The following PARP8 variants were observed in gnomAD, a reference collection of about 807,000 sequenced individuals.
The protein encoded by PARP8 is protein mono-ADP-ribosyltransferase PARP8.
A neutral mutation model predicts 124.1 loss-of-function variants in PARP8; 51 were observed. That is an observed-to-expected ratio of 0.41 (90% CI 0.33 to 0.52). The LOEUF is 0.52. PARP8 is among the 20% of genes least tolerant of loss of function. The pLI, the probability that PARP8 is intolerant of heterozygous loss-of-function variation, is 0.21. For synonymous variants in PARP8, 391 were observed against 361.5 expected (o/e 1.08, Z -0.93); for missense variants, 860 against 1,018.9 (o/e 0.84, Z 2.12).
intron 2 of PARP8, 49 bp from the exon 3 acceptor site, chr5:50,750,102 G>C (rs1759063476): frequency 1.4e-6 from 2 of 1,398,108 alleles, no homozygotes; most frequent in Admixed American, 1.8e-5. Flanking sequence ...ATAAAAGCCT[G>C]TCTACCTTAG....
chr5:50,749,659 T>G (rs1376371852), intron 2 of PARP8, among the ~76,000 whole-genome samples: 3 of 152,120 alleles, frequency 2.0e-5, no homozygotes, highest in African/African-American at 7.2e-5. Context: ...ATAATATTAC[T>G]TATACTTCCA....
At chr5:50,787,898 A>G (rs1434660153) in intron 9 of PARP8, among the ~76,000 whole-genome samples, 2 of 150,268 alleles carry the variant, frequency 1.3e-5, no homozygotes, top group East Asian at 3.9e-4. Flanking sequence ...TATATATGTT[A>G]GTATATATGT....
chr5:50,708,139 C>T (rs1274899156), intron 2 of PARP8, among the ~76,000 whole-genome samples: 1 of 151,992 alleles, frequency 6.6e-6, no homozygotes, highest in Non-Finnish European at 1.5e-5. Context: ...AATTTAAGAA[C>T]ATTAGTCATG....
intron 2 of PARP8, among the ~76,000 whole-genome samples, chr5:50,729,856 G>C (rs2463796): frequency 0.51 from 77,777 of 151,998 alleles, 22,600 homozygotes; most frequent in East Asian, 0.64. Flanking sequence ...TATACATTAG[G>C]ACTATTAAGC....
At chr5:50,787,738 A>G (rs1741424816) in intron 9 of PARP8, among the ~76,000 whole-genome samples, 1 of 151,906 alleles carries the variant, frequency 6.6e-6, no homozygotes, top group South Asian at 2.1e-4. Context: ...GAGAGAAGTT[A>G]TTAATTTAAT....
chr5:50,709,940 A>G (rs1754574459), intron 2 of PARP8, among the ~76,000 whole-genome samples: 1 of 94,350 alleles, frequency 1.1e-5, no homozygotes, highest in African/African-American at 3.0e-5. Flanking sequence ...ATATATATAT[A>G]TATATATATA....
At chr5:50,723,629 A>C (rs1756129729) in intron 2 of PARP8, among the ~76,000 whole-genome samples, 2 of 152,030 alleles carry the variant, frequency 1.3e-5, no homozygotes, top group African/African-American at 4.8e-5. Flanking sequence ...ACCTCTTTTT[A>C]CAATTAGAGG....
At chr5:50,773,429 G>C (rs1761827546) in intron 7 of PARP8, among the ~76,000 whole-genome samples, 1 of 152,184 alleles carries the variant, frequency 6.6e-6, no homozygotes. Flanking sequence ...TGAAGAGACT[G>C]CTCTTTCCTC....
rs745582110 is a variant in PARP8, at chr5:50,844,293, G to C, written c.*2225G>C. On this transcript the variant is annotated 3_prime_UTR_variant, in exon 26 of 26. Transcript: ENST00000281631. ...ATCATGATACAGAATGACAGATTTT[G>C]TTTCAAACAATTGCGTCAGAACCTT... 1 of 151,686 alleles carries C rather than the reference G, an allele frequency of 6.6e-6. No homozygotes were observed. Among genetic ancestry groups the C allele is most frequent in the Non-Finnish European group, 1.5e-5 (1 of 67,794 alleles). 9.4% of individuals were successfully genotyped at this position (151,686 alleles called of 1,614,324 possible).
At chr5:50,710,901 T>C (rs1395994212) in intron 2 of PARP8, among the ~76,000 whole-genome samples, 1 of 152,186 alleles carries the variant, frequency 6.6e-6, no homozygotes, top group Non-Finnish European at 1.5e-5. Flanking sequence ...TGTTTCTATC[T>C]GTAGCTTTAT....
At chr5:50,757,015 A>T (rs1760037529) in intron 3 of PARP8, 1 of 317,098 alleles carries the variant, frequency 3.2e-6, no homozygotes, top group Non-Finnish European at 6.5e-6. Context: ...ATTCTTTTTC[A>T]GTTGCTGAAT....
intron 18 of PARP8, among the ~76,000 whole-genome samples, chr5:50,825,543 A>T (rs934288426): frequency 3.3e-5 from 5 of 152,296 alleles, no homozygotes; most frequent in African/African-American, 1.2e-4. Context: ...TGAAGAGGAG[A>T]GAAGTCACCT....
chr5:50,789,671 C>T (rs1346971787), intron 10 of PARP8, among the ~76,000 whole-genome samples: 1 of 152,184 alleles, frequency 6.6e-6, no homozygotes, highest in Non-Finnish European at 1.5e-5. Flanking sequence ...ACATTAACTT[C>T]TATACTTAAT....
rs567389093 is a variant in PARP8 at position 50,791,914 on chromosome 5, G to T, written c.738-2293G>T. Among the ~76,000 whole-genome samples, 4 of 152,150 alleles carry T rather than the reference G, an allele frequency of 2.6e-5. No homozygotes were observed. In the East Asian group the frequency reaches 7.7e-4, roughly 29 times the overall value. ...AAATTCAAATTAATACCATTAACTT[G>T]GTTTATGATATTATTTTGCTAAAGC... On this transcript the variant is annotated intron_variant, in intron 10 of 25. Transcript: ENST00000281631.
At chr5:50,815,886 A>G (rs1359550374) in intron 15 of PARP8, among the ~76,000 whole-genome samples, 3 of 152,164 alleles carry the variant, frequency 2.0e-5, no homozygotes, top group Non-Finnish European at 4.4e-5. Flanking sequence ...TTTAAAACTT[A>G]GGTGAAAAGA....
In PARP8 at chr5:50,677,855, T is replaced by C. The variant is rs1395482679; in HGVS notation, c.146+9730T>C. On this transcript the variant is annotated intron_variant, in intron 2 of 25. Coordinates refer to ENST00000281631, the MANE Select transcript of PARP8 (RefSeq NM_024615.4). ...CTCTGGGTTGCATTTAGGGATATGC[T>C]ACATTTCAAAGGTATCTTTCTGAAG... 2.6e-5 allele frequency among the ~76,000 whole-genome samples: 4 copies of C among 151,984 alleles called. 1 individual carries two copies. Among genetic ancestry groups the C allele is most frequent in the African/African-American group, 9.7e-5 (4 of 41,398 alleles).
intron 2 of PARP8, among the ~76,000 whole-genome samples, chr5:50,717,341 G>C (rs1190361632): frequency 6.6e-6 from 1 of 151,832 alleles, no homozygotes; most frequent in South Asian, 2.1e-4. Flanking sequence ...CAGATATAGG[G>C]GGCAAAGGAA....
chr5:50,717,317 T>G (rs1755416690), intron 2 of PARP8, among the ~76,000 whole-genome samples: 1 of 151,840 alleles, frequency 6.6e-6, no homozygotes, highest in African/African-American at 2.4e-5. Flanking sequence ...CTATGAGACT[T>G]ACGATGGAAT....
chr5:50,754,150 TACACACAC>T (rs1253764538), intron 3 of PARP8, among the ~76,000 whole-genome samples: 1 of 37,224 alleles, frequency 2.7e-5, no homozygotes, highest in East Asian at 1.3e-3. Flanking sequence ...TATATATATA[TACACACAC>T]ACACACACAC....
Sources: allele counts gnomAD v4.1 joint callset (sites outside exome capture counted in the v4.1 genomes callset), GRCh38; gene constraint gnomAD v4.1.1; transcripts MANE v1.5; gene names NCBI Gene and HGNC (gene_info 2026-07-23, HGNC 2026-07-21).